The following ZNF562 variants were observed in gnomAD, a reference collection of about 807,000 sequenced individuals.
ZNF562 encodes zinc finger protein 562.
A neutral mutation model predicts 17.5 loss-of-function variants in ZNF562; 13 were observed. That is an observed-to-expected ratio of 0.74 (90% CI 0.48 to 1.18). The LOEUF is 1.18. Among genes scored for constraint, ZNF562 ranks in the 50% most tolerant of loss-of-function variants. The probability of loss-of-function intolerance (pLI) is 0.00; values close to 1 mark genes in which losing one functional copy is unlikely to be tolerated. For missense variants in ZNF562, 481 were observed against 498.5 expected, an observed-to-expected ratio of 0.96 and a Z score of 0.33; for synonymous variants, 163 against 165.4, an observed-to-expected ratio of 0.99 and a Z score of 0.11.
rs60050614 is a variant in ZNF562, at chr19:9,667,468, G to A, written c.-130-6594C>T. 3.6e-3 allele frequency among the ~76,000 whole-genome samples: 543 copies of A among 152,296 alleles called. 3 individuals carry two copies. Among genetic ancestry groups the A allele is most frequent in the African/African-American group, 0.012 (518 of 41,550 alleles). On this transcript the variant is annotated intron_variant, in intron 1 of 5. Coordinates refer to ENST00000453372, the MANE Select transcript of ZNF562 (RefSeq NM_001130031.2). ...CTGAGATCTTGAACAGAACAAGGAT[G>A]TCCACTTTTACCACTTCTATTCAAC...
rs370895559 is a variant in ZNF562 at position 9,653,623 on chromosome 19, G to C, written c.607C>G (p.Pro203Ala). The change falls in exon 6 of 6, where the codon CCC becomes GCC. Residue 203 changes from proline (P) to alanine (A), a missense_variant. Pro to Ala is a conservative substitution (Grantham distance 27, BLOSUM62 -1). Around this residue, in one of 2 missense-constraint regions of ZNF562, gnomAD observed 403 missense variants for 386.4 expected, o/e 1.04. Transcript: ENST00000453372. ...VHLEILNGRQ[P>A]YKCKECGKGF... Reference sequence around the variant, plus strand: ...TTTCCACATTCCTTACATTTGTAGGGTTGTCTTCCATTGAGAATTTCAAGA... The same window carrying C: ...TTTCCACATTCCTTACATTTGTAGGCTTGTCTTCCATTGAGAATTTCAAGA... The C allele has an allele frequency of 2.5e-6, 4 of 1,614,076 alleles. No individual in the cohort carries two copies. Among genetic ancestry groups the C allele is most frequent in the Admixed American group, 1.7e-5 (1 of 60,014 alleles).
intron 1 of ZNF562, among the ~76,000 whole-genome samples, chr19:9,668,603 GA>G (rs548780784): frequency 3.3e-5 from 5 of 151,410 alleles, no homozygotes; most frequent in East Asian, 3.9e-4. Context: ...CGCAAAAATA[GA>G]AAAAAAATCC....
In ZNF562 at chr19:9,652,901, C is replaced by A; in HGVS notation, c.*48G>T. 6.9e-7 allele frequency: 1 copy of A among 1,453,642 alleles called. No individual in the cohort carries two copies. Among genetic ancestry groups the A allele is most frequent in the South Asian group, 1.7e-5 (1 of 58,904 alleles). 90.0% of individuals were successfully genotyped at this position (1,453,642 alleles called of 1,614,324 possible). A position where few individuals can be genotyped will look rare whatever the true frequency, so the allele number is the denominator to read the frequency against. ...AAAAGGTTTCTCTCTGGTAGGAGTT[C>A]ACAGGTGGGGTGAGGAATACAGAAA... On this transcript the variant is annotated 3_prime_UTR_variant, in exon 6 of 6. Coordinates refer to ENST00000453372, the MANE Select transcript of ZNF562 (RefSeq NM_001130031.2).
intron 1 of ZNF562, chr19:9,674,757 G>A (rs2044342789): frequency 6.6e-6 from 1 of 152,250 alleles, no homozygotes; most frequent in South Asian, 2.1e-4. Flanking sequence ...TGCTTTCCAA[G>A]CTTTTCAAGA....
intron 1 of ZNF562, among the ~76,000 whole-genome samples, chr19:9,673,213 G>A (rs1055275233): frequency 6.6e-6 from 1 of 151,962 alleles, no homozygotes; most frequent in Admixed American, 6.6e-5. Flanking sequence ...TAGATTCTGC[G>A]GTCTGACCCT....
chr19:9,660,020 T>C (rs890834614), intron 2 of ZNF562, among the ~76,000 whole-genome samples: 1 of 101,420 alleles, frequency 9.9e-6, no homozygotes, highest in Non-Finnish European at 1.8e-5. Context: ...ACCTGGGAAG[T>C]GGAGGTTGCA....
At chr19:9,659,606 T>G in intron 2 of ZNF562, 139 bp from the exon 3 acceptor site, 3 of 1,116,300 alleles carry the variant, frequency 2.7e-6, no homozygotes, top group East Asian at 2.6e-5. Context: ...TTCCATGAAA[T>G]GCCGTAGTAG....
At chr19:9,655,717 C>CTTTCTTTTTTTTTTTTTTTTTTTTT (rs2043447309) in intron 5 of ZNF562, among the ~76,000 whole-genome samples, 2 of 48,672 alleles carry the variant, frequency 4.1e-5, no homozygotes, top group African/African-American at 1.6e-4. Flanking sequence ...TCTTTTCTTT[C>CTTTCTTTTTTTTTTTTTTTTTTTTT]TTTTTTTTTT....
intron 1 of ZNF562, among the ~76,000 whole-genome samples, chr19:9,669,752 A>ACG (rs1599322687): frequency 1.1e-4 from 16 of 150,276 alleles, no homozygotes; most frequent in East Asian, 4.0e-4. Flanking sequence ...ACACACACAC[A>ACG]CACACACACA....
At chr19:9,663,148 G>T (rs1328931162) in intron 1 of ZNF562, among the ~76,000 whole-genome samples, 1 of 150,714 alleles carries the variant, frequency 6.6e-6, no homozygotes, top group Non-Finnish European at 1.5e-5. Context: ...GCTCACACCT[G>T]TAATCCCAGC....
In ZNF562 at chr19:9,669,722, GCGCGCGCGCGCGCACACACA is replaced by G. The variant is rs1314620155; in HGVS notation, c.-131+5273_-131+5292del. ...TGTCTGCATGCACGCGCGCGAGCGCGCGCGCGCGCGCGCACACACACACACACACACACACACACACACAC... is the reference window on the plus strand; with the variant it reads ...TGTCTGCATGCACGCGCGCGAGCGCGCACACACACACACACACACACACAC... On this transcript the variant is annotated intron_variant, in intron 1 of 5. Transcript: ENST00000453372. Among the ~76,000 whole-genome samples, 696 of 97,466 alleles carry G rather than the reference GCGCGCGCGCGCGCACACACA, an allele frequency of 7.1e-3. 4 individuals carry two copies. The highest frequency in any genetic ancestry group is 0.016 in the Admixed American group (166 of 10,178). The allele number at this position is 97,466 out of a possible 152,430, so 63.9% of individuals were successfully genotyped here.
At position 9,652,025 on chromosome 19, in the gene ZNF562, T is replaced by C. The variant is rs1272880319; in HGVS notation, c.*924A>G. On this transcript the variant is annotated 3_prime_UTR_variant, in exon 6 of 6. Coordinates refer to ENST00000453372, the MANE Select transcript of ZNF562 (RefSeq NM_001130031.2). Reference sequence around the variant, plus strand: ...ATTTGGAAAATTCTCAGCCTATCCATACTGCAAAAATTAGAAAACTTGTAC... The same window carrying C: ...ATTTGGAAAATTCTCAGCCTATCCACACTGCAAAAATTAGAAAACTTGTAC... 2 of 152,232 alleles carry C rather than the reference T, an allele frequency of 1.3e-5. No individual in the cohort carries two copies. Among genetic ancestry groups the C allele is most frequent in the African/African-American group, 2.4e-5 (1 of 41,466 alleles). The allele number at this position is 152,232 out of a possible 1,614,324, so 9.4% of individuals were successfully genotyped here. A position where few individuals can be genotyped will look rare whatever the true frequency, so the allele number is the denominator to read the frequency against.
chr19:9,672,424 C>T (rs2044229418), intron 1 of ZNF562, among the ~76,000 whole-genome samples: 1 of 152,022 alleles, frequency 6.6e-6, no homozygotes, highest in Non-Finnish European at 1.5e-5. Context: ...TCAAATTGTT[C>T]ACTGTAAGAT....
At position 9,645,954 on chromosome 19, in the gene ZNF562, GAAAC is replaced by G. The variant is rs1010428031; in HGVS notation, c.*6991_*6994del. 7 of 150,750 alleles carry G rather than the reference GAAAC, an allele frequency of 4.6e-5. No homozygotes were observed. Among genetic ancestry groups the G allele is most frequent in the Admixed American group, 1.3e-4 (2 of 15,170 alleles). 9.3% of individuals were successfully genotyped at this position (150,750 alleles called of 1,614,324 possible). On this transcript the variant is annotated 3_prime_UTR_variant, in exon 6 of 6. Transcript: ENST00000453372. ...ATCAGTACAAAGAGGGGAACACAATGAAACAAACAAAAAAAATTAGATGCTAGAA... is the reference window on the plus strand; with the variant it reads ...ATCAGTACAAAGAGGGGAACACAATGAAACAAAAAAAATTAGATGCTAGAA...
Position 9,659,372 on chromosome 19 carries a change from T to C in ZNF562, c.114+7A>G. The C allele has an allele frequency of 6.5e-7, 1 of 1,550,180 alleles. No individual in the cohort carries two copies. Among genetic ancestry groups the C allele is most frequent in the Non-Finnish European group, 8.7e-7 (1 of 1,145,790 alleles). The stretch of plus-strand genomic sequence containing the variant: ...TCATTTTGTACAACGGTACATTTTC[T>C]GTTTACCTGGTAAGAATTTGACCGG... On this transcript the variant is annotated splice_region_variant and intron_variant, in intron 3 of 5. Transcript: ENST00000453372.
intron 4 of ZNF562, 72 bp from the exon 5 acceptor site, chr19:9,656,725 A>G (rs1245090608): frequency 4.6e-6 from 7 of 1,508,696 alleles, no homozygotes; most frequent in Non-Finnish European, 5.5e-6. Context: ...TAAACACAGT[A>G]TGAAAATAAA....
At chr19:9,654,534 T>C (rs973938950) in intron 5 of ZNF562, among the ~76,000 whole-genome samples, 2 of 152,162 alleles carry the variant, frequency 1.3e-5, no homozygotes, top group African/African-American at 4.8e-5. Context: ...CGATTTCGGC[T>C]CACTGCAACC....
At chr19:9,666,908 C>G (rs752615498) in intron 1 of ZNF562, among the ~76,000 whole-genome samples, 5 of 152,202 alleles carry the variant, frequency 3.3e-5, no homozygotes, top group Non-Finnish European at 7.4e-5. Flanking sequence ...AGCCCAGGAC[C>G]TGATAACTTC....
Position 9,648,626 on chromosome 19 carries a change from C to T in ZNF562, c.*4323G>A, listed in dbSNP as rs1018174323. The T allele has an allele frequency of 4.0e-5, 6 of 151,428 alleles. No individual in the cohort carries two copies. Among genetic ancestry groups the T allele is most frequent in the African/African-American group, 7.3e-5 (3 of 41,176 alleles). 9.4% of individuals were successfully genotyped at this position (151,428 alleles called of 1,614,324 possible). Reference sequence around the variant, plus strand: ...CCTGACCACATTTGTTTTAGAAAAGCGCCTTTCCATGCATTCACTTCTTCA... The same window carrying T: ...CCTGACCACATTTGTTTTAGAAAAGTGCCTTTCCATGCATTCACTTCTTCA... On this transcript the variant is annotated 3_prime_UTR_variant, in exon 6 of 6. Transcript: ENST00000453372.
Sources: gnomAD v4.1 joint callset for allele counts (sites outside exome capture counted in the v4.1 genomes callset) on GRCh38, gnomAD v4.1.1 for gene constraint, gnomAD v4.1.1 regional missense constraint, MANE v1.5 for transcripts, NCBI Gene and HGNC (gene_info 2026-07-23, HGNC 2026-07-21) for gene names.